PPARGC1A: variants seen among roughly 807,000 people sequenced by gnomAD.
PPARGC1A encodes the protein PPARG coactivator 1 alpha.
Under a neutral mutation model 88.7 loss-of-function variants are expected in PPARGC1A, and 25 were observed. The observed-to-expected ratio is 0.28, with a 90% CI of 0.21 to 0.39. The LOEUF (loss-of-function observed/expected upper bound fraction) is 0.39. Among genes scored for constraint, PPARGC1A ranks in the 10% least tolerant of loss-of-function variants. The pLI is 1.00. For missense variants in PPARGC1A, 880 were observed against 968.7 expected (o/e 0.91, Z 1.22); for synonymous variants, 363 against 355.6 (o/e 1.02, Z -0.24).
the PPARGC1A span, among the ~76,000 whole-genome samples, chr4:24,226,396 G>A: frequency 6.6e-6 from 1 of 152,148 alleles, no homozygotes; most frequent in African/African-American, 2.4e-5. Flanking sequence ...TAGGTAGGCT[G>A]GGGAAAGGCT....
the PPARGC1A span, among the ~76,000 whole-genome samples, chr4:24,082,191 G>A: frequency 6.6e-6 from 1 of 152,132 alleles, no homozygotes; most frequent in Non-Finnish European, 1.5e-5. Flanking sequence ...TTTCAATCCA[G>A]GCACTGCCCC....
chr4:24,020,924 A>C, the PPARGC1A span, among the ~76,000 whole-genome samples: 1 of 152,198 alleles, frequency 6.6e-6, no homozygotes. Context: ...TACGAGTTAA[A>C]ACCCTGCCTC....
At chr4:24,428,832 C>A in the PPARGC1A span, among the ~76,000 whole-genome samples, 3 of 152,160 alleles carry the variant, frequency 2.0e-5, no homozygotes, top group African/African-American at 7.2e-5. Context: ...TTGTATCTTT[C>A]TTATCATTAG....
the PPARGC1A span, among the ~76,000 whole-genome samples, chr4:24,312,066 G>T: frequency 6.6e-6 from 1 of 152,142 alleles, no homozygotes; most frequent in South Asian, 2.1e-4. Context: ...TGAACGTTTT[G>T]CACCTATACG....
the PPARGC1A span, among the ~76,000 whole-genome samples, chr4:24,122,436 TAGAG>T: frequency 0.027 from 3,298 of 124,248 alleles, 55 homozygotes; most frequent in Middle Eastern, 0.036. Context: ...TATATATATA[TAGAG>T]AGAGAGAGAG....
chr4:24,034,452 T>A, the PPARGC1A span, among the ~76,000 whole-genome samples: 3 of 152,230 alleles, frequency 2.0e-5, no homozygotes, highest in Non-Finnish European at 4.4e-5. Context: ...ACTGTTAAAC[T>A]TTTCGATGTG....
At chr4:24,166,122 A>G in the PPARGC1A span, among the ~76,000 whole-genome samples, 1 of 152,220 alleles carries the variant, frequency 6.6e-6, no homozygotes, top group African/African-American at 2.4e-5. Flanking sequence ...AATATGGAGA[A>G]AGTTTGAGTG....
chr4:24,237,863 A>G, the PPARGC1A span, among the ~76,000 whole-genome samples: 1 of 152,194 alleles, frequency 6.6e-6, no homozygotes, highest in Non-Finnish European at 1.5e-5. Flanking sequence ...TGACACTGCC[A>G]TAGCGACAGA....
the PPARGC1A span, among the ~76,000 whole-genome samples, chr4:23,910,320 A>AT: frequency 1.5e-3 from 105 of 68,270 alleles, 2 homozygotes; most frequent in Middle Eastern, 0.014. Context: ...ATAATATTAT[A>AT]TATATTATAT....
Position 23,831,518 on chromosome 4 carries a change from C to T in PPARGC1A, c.429+39G>A, listed in dbSNP as rs180737901. On this transcript the variant is annotated intron_variant, in intron 3 of 12. Transcript: ENST00000264867. ...TACCCATGCAGCGGGTAGCCAGAGG[C>T]AACTCCAATTCCTGCTAAACAGTAG... The T allele has an allele frequency of 2.4e-4, 377 of 1,571,088 alleles. No homozygotes were observed. In the African/African-American group the frequency reaches 4.7e-3, roughly 20 times the overall value.
the PPARGC1A span, among the ~76,000 whole-genome samples, chr4:24,446,260 T>C: frequency 3.3e-5 from 5 of 152,310 alleles, no homozygotes; most frequent in East Asian, 7.7e-4. Flanking sequence ...TTTACTTTTT[T>C]ATAATAGCCC....
At chr4:24,069,476 T>G in the PPARGC1A span, among the ~76,000 whole-genome samples, 10 of 152,312 alleles carry the variant, frequency 6.6e-5, no homozygotes, top group Admixed American at 5.9e-4. Flanking sequence ...GAAGTCACCT[T>G]TAGCTTAGCA....
chr4:24,046,021 T>C, the PPARGC1A span, among the ~76,000 whole-genome samples: 1 of 152,146 alleles, frequency 6.6e-6, no homozygotes, highest in Non-Finnish European at 1.5e-5. Context: ...TCAATAAATG[T>C]CAAATGAACA....
the PPARGC1A span, among the ~76,000 whole-genome samples, chr4:24,058,733 G>C: frequency 6.6e-6 from 1 of 152,136 alleles, no homozygotes; most frequent in Non-Finnish European, 1.5e-5. Flanking sequence ...ATCACCTGAG[G>C]TCAGGAGTTT....
At chr4:23,945,166 A>G in the PPARGC1A span, among the ~76,000 whole-genome samples, 871 of 152,218 alleles carry the variant, frequency 5.7e-3, 46 homozygotes, top group East Asian at 0.093. Context: ...TGGAGCAATA[A>G]AAAGTCTATA....
chr4:24,249,566 G>A, the PPARGC1A span, among the ~76,000 whole-genome samples: 7,143 of 152,274 alleles, frequency 0.047, 227 homozygotes, highest in Middle Eastern at 0.092. Flanking sequence ...TTTACAGTCA[G>A]AGAAGGAGGA....
the PPARGC1A span, among the ~76,000 whole-genome samples, chr4:24,285,734 T>C: frequency 6.6e-6 from 1 of 152,218 alleles, no homozygotes; most frequent in Non-Finnish European, 1.5e-5. Flanking sequence ...TCCCTATTTC[T>C]AAATCAGAAT....
At chr4:23,886,869 A>ACC (rs1560516340) in intron 1 of PPARGC1A, among the ~76,000 whole-genome samples, 4 of 151,508 alleles carry the variant, frequency 2.6e-5, no homozygotes, top group South Asian at 2.1e-4. Context: ...AAAAAAAAAA[A>ACC]AAAAACATGA....
the PPARGC1A span, among the ~76,000 whole-genome samples, chr4:24,245,757 C>A: frequency 1.3e-5 from 2 of 152,148 alleles, no homozygotes; most frequent in Non-Finnish European, 2.9e-5. Flanking sequence ...GAGTTGAATA[C>A]AAGAAAAGAA....
Sources: allele counts gnomAD v4.1 joint callset (sites outside exome capture counted in the v4.1 genomes callset), GRCh38; gene constraint gnomAD v4.1.1; transcripts MANE v1.5; gene names NCBI Gene and HGNC (gene_info 2026-07-23, HGNC 2026-07-21).